The following AGPS variants were observed in gnomAD, a reference collection of about 807,000 sequenced individuals.
AGPS encodes the protein alkylglycerone phosphate synthase.
A neutral mutation model predicts 90.7 loss-of-function variants in AGPS; 26 were observed. That is an observed-to-expected ratio of 0.29 (90% confidence interval 0.21 to 0.40). The LOEUF is 0.40. Among genes scored for constraint, AGPS ranks in the 10% least tolerant of loss-of-function variants. The probability of loss-of-function intolerance (pLI) is 1.00; values close to 1 mark genes in which losing one functional copy is unlikely to be tolerated. For synonymous variants in AGPS, 294 were observed against 285.3 expected, an observed-to-expected ratio of 1.03 and a Z score of -0.31; for missense variants, 540 against 816.1, an observed-to-expected ratio of 0.66 and a Z score of 4.12.
At chr2:177,492,868 G>GTT (rs1259420637) in intron 11 of AGPS, among the ~76,000 whole-genome samples, 1 of 152,024 alleles carries the variant, frequency 6.6e-6, no homozygotes, top group Non-Finnish European at 1.5e-5. Flanking sequence ...GTCTTTGCCA[G>GTT]ACATTAGGCA....
Position 177,461,957 on chromosome 2 carries a change from G to A in AGPS, c.935G>A (p.Gly312Glu). The change falls in exon 9 of 20, where the codon GGA becomes GAA. Residue 312 changes from glycine to glutamate, a missense_variant. By Grantham distance (98) the Gly-to-Glu change is moderately conservative (BLOSUM62 -2). This residue lies in a region of AGPS where 405 missense variants were observed against 692.1 expected (regional missense o/e 0.59). Transcript: ENST00000264167. ...TCCCTGGAGTTCAGTACTGTAGGAG[G>A]ATGGGTATCTACTCGCGCATCAGGC... ...PDSLEFSTVG[G>E]WVSTRASGMK... 1 of 1,612,784 alleles carries A rather than the reference G, an allele frequency of 6.2e-7. No homozygotes were observed. Among genetic ancestry groups the A allele is most frequent in the Non-Finnish European group, 8.5e-7 (1 of 1,179,210 alleles).
rs535725626 is a variant in AGPS at position 177,409,505 on chromosome 2, C to T, written c.261-10764C>T. ...CAAGCCCCGTGTTTAAAGGTGGGTGCGGTCACCTTCCCAGCTGGGTTTAGG... is the reference window on the plus strand; with the variant it reads ...CAAGCCCCGTGTTTAAAGGTGGGTGTGGTCACCTTCCCAGCTGGGTTTAGG... On this transcript the variant is annotated intron_variant, in intron 1 of 19. Coordinates refer to ENST00000264167, the MANE Select transcript of AGPS (RefSeq NM_003659.4). Among the ~76,000 whole-genome samples, 91 of 151,748 alleles carry T rather than the reference C, an allele frequency of 6.0e-4. 1 individual carries two copies. In the South Asian group the frequency reaches 0.012, roughly 20 times the overall value.
At chr2:177,466,212 T>G (rs894943746) in intron 9 of AGPS, among the ~76,000 whole-genome samples, 1 of 152,124 alleles carries the variant, frequency 6.6e-6, no homozygotes, top group Non-Finnish European at 1.5e-5. Context: ...GGCATCCTGA[T>G]GAGTGTCAGC....
intron 11 of AGPS, among the ~76,000 whole-genome samples, chr2:177,489,099 T>A (rs564259317): frequency 5.3e-5 from 8 of 151,524 alleles, no homozygotes; most frequent in Non-Finnish European, 7.4e-5. Flanking sequence ...TTTTTTTTTT[T>A]TTTGAAACGG....
At position 177,455,837 on chromosome 2, in the gene AGPS, TA is replaced by T. The variant is rs1457795408; in HGVS notation, c.871-6054del. On this transcript the variant is annotated intron_variant, in intron 8 of 19. Transcript: ENST00000264167. ...ATATTGCTCTATAATATAAGCACCA[TA>T]ATTTAGGGATTTTTTAAGGAATATA... Among the ~76,000 whole-genome samples the T allele has an allele frequency of 2.0e-5, 3 of 152,170 alleles. No homozygotes were observed. In the East Asian group the frequency reaches 5.8e-4, roughly 29 times the overall value.
At chr2:177,434,204 A>T in intron 2 of AGPS, 123 bp from the exon 3 acceptor site, 2 of 701,590 alleles carry the variant, frequency 2.9e-6, no homozygotes, top group African/African-American at 1.8e-5. Context: ...TTCAGAGTTT[A>T]TAGTTACATG....
At chr2:177,463,098 C>T (rs1391360473) in intron 9 of AGPS, among the ~76,000 whole-genome samples, 1 of 151,970 alleles carries the variant, frequency 6.6e-6, no homozygotes, top group Non-Finnish European at 1.5e-5. Context: ...AGTGGTAAGA[C>T]CTGTCATGTT....
chr2:177,450,964 A>ACACACATATACGTATATATG, intron 8 of AGPS, among the ~76,000 whole-genome samples: 1 of 123,748 alleles, frequency 8.1e-6, no homozygotes, highest in Non-Finnish European at 1.6e-5. Flanking sequence ...CATGTCTTTC[A>ACACACATATACGTATATATG]TATATATATA....
intron 11 of AGPS, among the ~76,000 whole-genome samples, chr2:177,485,415 A>G (rs561435313): frequency 3.3e-4 from 51 of 152,336 alleles, no homozygotes; most frequent in African/African-American, 1.2e-3. Context: ...CATTTCCGCC[A>G]TAAATAGTTG....
At position 177,458,434 on chromosome 2, in the gene AGPS, G is replaced by T. The variant is rs370336848; in HGVS notation, c.871-3459G>T. 4.5e-4 allele frequency among the ~76,000 whole-genome samples: 69 copies of T among 152,294 alleles called. No homozygotes were observed. In the South Asian group the frequency reaches 0.013, roughly 28 times the overall value. On this transcript the variant is annotated intron_variant, in intron 8 of 19. Coordinates refer to ENST00000264167, the MANE Select transcript of AGPS (RefSeq NM_003659.4). ...TGCAGATGACATGATTGTATATTTA[G>T]AAAACCCCATCGTCTCAGCCCAAAA...
chr2:177,435,437 T>TA (rs1686377239), intron 3 of AGPS, among the ~76,000 whole-genome samples: 1 of 152,182 alleles, frequency 6.6e-6, no homozygotes, highest in African/African-American at 2.4e-5. Context: ...TTGACATTGA[T>TA]ACAATCCACA....
intron 1 of AGPS, among the ~76,000 whole-genome samples, chr2:177,406,918 T>C (rs551573744): frequency 4.3e-4 from 66 of 152,196 alleles, no homozygotes; most frequent in Non-Finnish European, 7.9e-4. Flanking sequence ...GAAGGGAAAG[T>C]TTAAATGCCT....
intron 17 of AGPS, among the ~76,000 whole-genome samples, chr2:177,516,433 A>AT (rs1689025164): frequency 6.6e-6 from 1 of 152,180 alleles, no homozygotes; most frequent in Non-Finnish European, 1.5e-5. Flanking sequence ...CAACCACGCT[A>AT]TTACTTGTCC....
chr2:177,527,287 G>T (rs1311784191), intron 19 of AGPS, among the ~76,000 whole-genome samples: 1 of 151,966 alleles, frequency 6.6e-6, no homozygotes, highest in Non-Finnish European at 1.5e-5. Context: ...ACTTAGCTGG[G>T]CATGGTAGCA....
intron 14 of AGPS, among the ~76,000 whole-genome samples, chr2:177,502,705 A>G (rs1057004334): frequency 6.6e-6 from 1 of 152,138 alleles, no homozygotes; most frequent in Non-Finnish European, 1.5e-5. Flanking sequence ...TGCTGGGGTT[A>G]CAGGCATGAG....
chr2:177,481,390 GTTTT>G (rs1322793903), intron 10 of AGPS, among the ~76,000 whole-genome samples: 1 of 149,708 alleles, frequency 6.7e-6, no homozygotes, highest in African/African-American at 2.5e-5. Flanking sequence ...GTTTTGTTTT[GTTTT>G]TTTGTTTTTT....
chr2:177,485,850 G>A (rs1416629474), intron 11 of AGPS, among the ~76,000 whole-genome samples: 2 of 152,140 alleles, frequency 1.3e-5, no homozygotes, highest in African/African-American at 2.4e-5. Flanking sequence ...CCAGGAGGTC[G>A]AGGCTGCTGT....
chr2:177,481,124 C>T lies in AGPS; in HGVS notation c.1106-935C>T, dbSNP rs145489719. ...AACTTACTGGAAGCTTTGGTTTTTG[C>T]GAAACTTTTAAATTTCTTGCGTTAT... On this transcript the variant is annotated intron_variant, in intron 10 of 19. Coordinates refer to ENST00000264167, the MANE Select transcript of AGPS (RefSeq NM_003659.4). 8.7e-3 allele frequency among the ~76,000 whole-genome samples: 1,322 copies of T among 152,030 alleles called. 10 individuals carry two copies. The highest frequency in any genetic ancestry group is 0.023 in the South Asian group (111 of 4,816).
chr2:177,406,055 G>C (rs1470921473), intron 1 of AGPS, among the ~76,000 whole-genome samples: 1 of 152,054 alleles, frequency 6.6e-6, no homozygotes, highest in Non-Finnish European at 1.5e-5. Flanking sequence ...ATGAGTTCTT[G>C]CTGAGCTCCA....
Sources: gnomAD v4.1 joint callset for allele counts (sites outside exome capture counted in the v4.1 genomes callset) on GRCh38, gnomAD v4.1.1 for gene constraint, gnomAD v4.1.1 regional missense constraint, MANE v1.5 for transcripts, NCBI Gene and HGNC (gene_info 2026-07-23, HGNC 2026-07-21) for gene names.